MARCHF1: variants seen among roughly 807,000 people sequenced by gnomAD.
MARCHF1 encodes the protein E3 ubiquitin-protein ligase MARCHF1.
Under a neutral mutation model 54.2 loss-of-function variants are expected in MARCHF1, and 40 were observed. The observed-to-expected ratio is 0.74, with a 90% CI of 0.57 to 0.96. MARCHF1 has a LOEUF of 0.96. MARCHF1 is among the 40% of genes least tolerant of loss of function. The pLI, the probability that MARCHF1 is intolerant of heterozygous loss-of-function variation, is 0.00. For missense variants in MARCHF1, 586 were observed against 656.5 expected (o/e 0.89, Z 1.17); for synonymous variants, 236 against 236.3 (o/e 1.00, Z 0.01).
intron 4 of MARCHF1, among the ~76,000 whole-genome samples, chr4:163,710,670 C>T (rs1487504881): frequency 6.6e-6 from 1 of 151,734 alleles, no homozygotes; most frequent in Non-Finnish European, 1.5e-5. Context: ...ATGTTTCAAA[C>T]GGATTCTAAT....
chr4:163,612,435 A>T lies in MARCHF1; in HGVS notation c.846T>A (p.Asn282Lys), dbSNP rs948743742. 3.3e-6 allele frequency: 5 copies of T among 1,534,782 alleles called. No homozygotes were observed. In the East Asian group the frequency reaches 9.8e-5, roughly 30 times the overall value. Residue 282 changes from asparagine (N) to lysine (K), a missense_variant, in exon 7 of 10, where the codon AAT becomes AAA. Around this residue, in one of 3 missense-constraint regions of MARCHF1, gnomAD observed 387 missense variants for 394.6 expected, o/e 0.98. Coordinates refer to ENST00000514618, the MANE Select transcript of MARCHF1 (RefSeq NM_001394959.1). Reference sequence around the variant, plus strand: ...CTGAAAATGTCTTCTTCATTATTTCATTTTTCCTAAGACTTTGCAAGAGCT... The same window carrying T: ...CTGAAAATGTCTTCTTCATTATTTCTTTTTTCCTAAGACTTTGCAAGAGCT... ...DPQLLQSLRK[N>K]EIMKKTFSET...
intron 2 of MARCHF1, among the ~76,000 whole-genome samples, chr4:164,049,976 T>TA (rs892139577): frequency 3.3e-5 from 5 of 152,216 alleles, no homozygotes; most frequent in South Asian, 2.1e-4. Flanking sequence ...AAGTTTGATA[T>TA]AAAAAATGAA....
intron 3 of MARCHF1, among the ~76,000 whole-genome samples, chr4:163,979,903 T>C (rs1241420537): frequency 1.3e-5 from 2 of 152,118 alleles, no homozygotes; most frequent in African/African-American, 2.4e-5. Flanking sequence ...GTTGAGTTCA[T>C]TGTAGATTCT....
At chr4:163,753,507 G>T (rs1263445930) in intron 4 of MARCHF1, among the ~76,000 whole-genome samples, 1 of 151,974 alleles carries the variant, frequency 6.6e-6, no homozygotes, top group Non-Finnish European at 1.5e-5. Context: ...TAGGAGAGAA[G>T]ATATTGTCAT....
intron 8 of MARCHF1, among the ~76,000 whole-genome samples, chr4:163,560,319 G>A (rs962066068): frequency 2.6e-5 from 4 of 151,914 alleles, no homozygotes; most frequent in Admixed American, 6.6e-5. Context: ...TTGCTTTATC[G>A]AAAATCAGTT....
At chr4:164,022,089 T>G (rs1753678750) in intron 2 of MARCHF1, among the ~76,000 whole-genome samples, 1 of 152,152 alleles carries the variant, frequency 6.6e-6, no homozygotes, top group Admixed American at 6.5e-5. Flanking sequence ...TTTACATATG[T>G]TATACAAGTA....
At chr4:164,307,523 T>C (rs1734727981) in intron 1 of MARCHF1, among the ~76,000 whole-genome samples, 1 of 152,218 alleles carries the variant, frequency 6.6e-6, no homozygotes, top group Non-Finnish European at 1.5e-5. Context: ...CCTTGTGCTA[T>C]CTCAGCTTAC....
intron 4 of MARCHF1, among the ~76,000 whole-genome samples, chr4:163,850,463 T>C: frequency 6.6e-6 from 1 of 152,232 alleles, no homozygotes; most frequent in East Asian, 1.9e-4. Context: ...AGCTTTCCAA[T>C]ACCAGATTAA....
chr4:163,963,659 T>C (rs1486266731), intron 3 of MARCHF1, among the ~76,000 whole-genome samples: 1 of 151,962 alleles, frequency 6.6e-6, no homozygotes, highest in Non-Finnish European at 1.5e-5. Context: ...TGTGATTAAT[T>C]TGACAAATAA....
At chr4:163,892,601 A>C (rs890088810) in intron 3 of MARCHF1, among the ~76,000 whole-genome samples, 10 of 151,032 alleles carry the variant, frequency 6.6e-5, no homozygotes, top group African/African-American at 2.4e-4. Context: ...AAAAATAAAA[A>C]TAAAAATAAA....
intron 1 of MARCHF1, among the ~76,000 whole-genome samples, chr4:164,148,430 T>G (rs1729832155): frequency 2.0e-5 from 3 of 152,196 alleles, no homozygotes; most frequent in East Asian, 3.8e-4. Context: ...TCTTAATTTT[T>G]TTTTCCATGT....
At chr4:164,142,840 G>A (rs1213651587) in intron 1 of MARCHF1, among the ~76,000 whole-genome samples, 3 of 152,280 alleles carry the variant, frequency 2.0e-5, no homozygotes, top group African/African-American at 7.2e-5. Context: ...TTGACGAGCT[G>A]AGAGAAGAAG....
At chr4:164,315,823 T>G (rs1048439756) in intron 1 of MARCHF1, among the ~76,000 whole-genome samples, 1 of 152,182 alleles carries the variant, frequency 6.6e-6, no homozygotes, top group Non-Finnish European at 1.5e-5. Context: ...ATAGACGCTT[T>G]TAAATATAAG....
chr4:163,961,684 GC>G (rs1361148455), intron 3 of MARCHF1, among the ~76,000 whole-genome samples: 1 of 151,868 alleles, frequency 6.6e-6, no homozygotes, highest in Non-Finnish European at 1.5e-5. Context: ...CTTAGTAAAT[GC>G]CTTTGATATT....
chr4:163,914,023 A>G (rs1426199081), intron 3 of MARCHF1, among the ~76,000 whole-genome samples: 1 of 152,106 alleles, frequency 6.6e-6, no homozygotes, highest in Non-Finnish European at 1.5e-5. Context: ...CTATTCATAG[A>G]AATAAGTGAT....
intron 4 of MARCHF1, among the ~76,000 whole-genome samples, chr4:163,850,493 T>C (rs1312615523): frequency 6.6e-6 from 1 of 152,266 alleles, no homozygotes; most frequent in Non-Finnish European, 1.5e-5. Flanking sequence ...CATATTATAT[T>C]CTGTTTGTTA....
In MARCHF1 at chr4:163,939,704, C is replaced by T. The variant is rs560649934; in HGVS notation, c.-39+48797G>A. ...CAAAATGCCAACAATATCTACTATT[C>T]CAAGTTCTGCCCAATTGAAAGATGG... On this transcript the variant is annotated intron_variant, in intron 3 of 9. Transcript: ENST00000514618. Among the ~76,000 whole-genome samples the T allele has an allele frequency of 3.7e-4, 56 of 152,222 alleles. No homozygotes were observed. In the Middle Eastern group the frequency reaches 0.014, roughly 37 times the overall value.
At chr4:164,044,616 G>C (rs956295789) in intron 2 of MARCHF1, among the ~76,000 whole-genome samples, 2 of 152,116 alleles carry the variant, frequency 1.3e-5, no homozygotes, top group African/African-American at 4.8e-5. Flanking sequence ...TTGACTTTGA[G>C]GGAGCAGGTG....
chr4:163,921,686 G>T (rs1366040094), intron 3 of MARCHF1, among the ~76,000 whole-genome samples: 5 of 151,992 alleles, frequency 3.3e-5, no homozygotes, highest in Non-Finnish European at 5.9e-5. Context: ...ATCATAAAAA[G>T]AAATCAATTT....
Sources: gnomAD v4.1 joint callset for allele counts (sites outside exome capture counted in the v4.1 genomes callset) on GRCh38, gnomAD v4.1.1 for gene constraint, gnomAD v4.1.1 regional missense constraint, MANE v1.5 for transcripts, NCBI Gene and HGNC (gene_info 2026-07-23, HGNC 2026-07-21) for gene names.